Variants in CALB1 observed in about 807,000 individuals in gnomAD.
CALB1 encodes calbindin 1.
A neutral mutation model predicts 46.7 loss-of-function variants in CALB1; 16 were observed. The ratio of observed to expected loss-of-function variants is 0.34; its 90% CI spans 0.23 to 0.52. The LOEUF is 0.52. Among genes scored for constraint, CALB1 ranks in the 20% least tolerant of loss-of-function variants. The probability of loss-of-function intolerance (pLI) is 0.95; values close to 1 mark genes in which losing one functional copy is unlikely to be tolerated. For synonymous variants in CALB1, 90 were observed against 112.8 expected (o/e 0.80, Z 1.28); for missense variants, 224 against 300.3 (o/e 0.75, Z 1.88).
intron 3 of CALB1, among the ~76,000 whole-genome samples, chr8:90,072,487 T>C (rs1462699524): frequency 6.6e-6 from 1 of 152,230 alleles, no homozygotes; most frequent in East Asian, 1.9e-4. Flanking sequence ...ATTTTATAAA[T>C]GTTAGAAAGG....
At chr8:90,067,329 T>C (rs1020471008) in intron 5 of CALB1, among the ~76,000 whole-genome samples, 3 of 152,138 alleles carry the variant, frequency 2.0e-5, no homozygotes, top group Non-Finnish European at 2.9e-5. Flanking sequence ...AGGACTTCTA[T>C]TTAGAATCTC....
In CALB1 at chr8:90,068,904, T is replaced by G. The variant is rs1814448268; in HGVS notation, c.372+94A>C. ...AAATGTGACACTGTTCAACATTAGT[T>G]TCTTTTGTGGGAGGTTTTTTAAAAA... On this transcript the variant is annotated intron_variant, in intron 5 of 10. Transcript: ENST00000265431. 3 of 833,258 alleles carry G rather than the reference T, an allele frequency of 3.6e-6. No homozygotes were observed. The East Asian group carries it at 7.6e-5, about 21-fold the overall frequency. 51.6% of individuals were successfully genotyped at this position (833,258 alleles called of 1,614,324 possible). A position where few individuals can be genotyped will look rare whatever the true frequency, so the allele number is the denominator to read the frequency against.
chr8:90,078,112 A>G (rs1333028872), intron 3 of CALB1, among the ~76,000 whole-genome samples: 1 of 152,064 alleles, frequency 6.6e-6, no homozygotes, highest in African/African-American at 2.4e-5. Context: ...TAGCTGTATG[A>G]CCAGAGGCAA....
chr8:90,081,571 T>G (rs1814732683), intron 2 of CALB1: 2 of 520,898 alleles, frequency 3.8e-6, no homozygotes, highest in Non-Finnish European at 4.9e-6. Context: ...TCTCACACAG[T>G]AAAAGAGAAT....
chr8:90,062,241 G>A (rs1185564690), intron 9 of CALB1: 3 of 151,940 alleles, frequency 2.0e-5, no homozygotes, highest in African/African-American at 7.2e-5. Context: ...ACTCCTAGAA[G>A]CAAACAAACA....
rs867587976 is a variant in CALB1 at position 90,082,062 on chromosome 8, G to A, written c.120C>T (p.Ile40=). ...TCTTTCGCGCCTGCTGGAGCTCCTGGATCAAGTTCTGCAGCTCCTTTCCTT... is the reference window on the plus strand; with the variant it reads ...TCTTTCGCGCCTGCTGGAGCTCCTGAATCAAGTTCTGCAGCTCCTTTCCTT... ...YLEGKELQNL[I]QELQQARKKA... The change falls in exon 2 of 11, where the codon ATC becomes ATT. Residue 40 remains isoleucine (I), a synonymous_variant. Coordinates refer to ENST00000265431, the MANE Select transcript of CALB1 (RefSeq NM_004929.4). 2 of 1,613,904 alleles carry A rather than the reference G, an allele frequency of 1.2e-6. No individual in the cohort carries two copies. Among genetic ancestry groups the A allele is most frequent in the South Asian group, 2.2e-5 (2 of 91,058 alleles).
intron 10 of CALB1, 103 bp downstream of exon 10, chr8:90,060,526 T>C (rs1814276504): frequency 1.1e-6 from 1 of 919,286 alleles, no homozygotes; most frequent in Admixed American, 2.0e-5. Flanking sequence ...TTTCTGCTCC[T>C]CTATAAATTG....
At position 90,060,014 on chromosome 8, in the gene CALB1, T is replaced by G; in HGVS notation, c.*159A>C. The G allele has an allele frequency of 1.7e-6, 1 of 599,536 alleles. No individual in the cohort carries two copies. The highest frequency in any genetic ancestry group is 3.0e-6 in the Non-Finnish European group (1 of 336,044). 37.1% of individuals were successfully genotyped at this position (599,536 alleles called of 1,614,324 possible). A position where few individuals can be genotyped will look rare whatever the true frequency, so the allele number is the denominator to read the frequency against. ...TACAAAAACTGTATATTACAAACAGTATAGAAACAAGCTGAAAAGAATGAG... is the reference window on the plus strand; with the variant it reads ...TACAAAAACTGTATATTACAAACAGGATAGAAACAAGCTGAAAAGAATGAG... On this transcript the variant is annotated 3_prime_UTR_variant, in exon 11 of 11. Transcript: ENST00000265431.
At chr8:90,062,628 A>G (rs1164303241) in intron 9 of CALB1, 1 of 152,176 alleles carries the variant, frequency 6.6e-6, no homozygotes, top group Non-Finnish European at 1.5e-5. Flanking sequence ...TAACAATAAG[A>G]TATCTCCTCA....
chr8:90,058,941 A>T lies in CALB1; in HGVS notation c.*1232T>A, dbSNP rs1814246841. ...CTGTTTCACAATCAAAGAAATCTAA[A>T]ATCACCAACTGTTACATATCAACTA... On this transcript the variant is annotated 3_prime_UTR_variant, in exon 11 of 11. Coordinates refer to ENST00000265431, the MANE Select transcript of CALB1 (RefSeq NM_004929.4). 1 of 152,242 alleles carries T rather than the reference A, an allele frequency of 6.6e-6. No individual in the cohort carries two copies. The highest frequency in any genetic ancestry group is 2.4e-5 in the African/African-American group (1 of 41,466). The allele number at this position is 152,242 out of a possible 1,614,324, so 9.4% of individuals were successfully genotyped here.
chr8:90,081,950 C>CT lies in CALB1; in HGVS notation c.156+75dup, dbSNP rs1470460389. Reference sequence around the variant, plus strand: ...CCCAGAAAGCGCTTTACGCTACTGGCTTTTTGTGAAAACACAAGAATGTTT... The same window carrying CT: ...CCCAGAAAGCGCTTTACGCTACTGGCTTTTTTGTGAAAACACAAGAATGTTT... On this transcript the variant is annotated intron_variant, in intron 2 of 10. Coordinates refer to ENST00000265431, the MANE Select transcript of CALB1 (RefSeq NM_004929.4). 3 of 1,361,212 alleles carry CT rather than the reference C, an allele frequency of 2.2e-6. No homozygotes were observed. In the Admixed American group the frequency reaches 5.6e-5, roughly 25 times the overall value. The allele number at this position is 1,361,212 out of a possible 1,614,324, so 84.3% of individuals were successfully genotyped here.
chr8:90,072,324 T>C (rs1197123813), intron 3 of CALB1, among the ~76,000 whole-genome samples: 3 of 152,320 alleles, frequency 2.0e-5, no homozygotes, highest in South Asian at 2.1e-4. Flanking sequence ...AAAAATGCTC[T>C]TCATGTCTAC....
At chr8:90,062,993 T>A (rs1385977009) in intron 9 of CALB1, 107 bp downstream of exon 9, 2 of 699,092 alleles carry the variant, frequency 2.9e-6, no homozygotes, top group Admixed American at 2.7e-5. Flanking sequence ...GTCAAGATTG[T>A]CTCTATAGTT....
rs1329958250 is a variant in CALB1, at chr8:90,082,119, G to T, written c.80-17C>A. On this transcript the variant is annotated splice_polypyrimidine_tract_variant and intron_variant, in intron 1 of 10. Transcript: ENST00000265431. Reference sequence around the variant, plus strand: ...AACCACTTCCTGCAAAGACAAAGAGGCACCCAGGTGTCAGATATCTCATTC... The same window carrying T: ...AACCACTTCCTGCAAAGACAAAGAGTCACCCAGGTGTCAGATATCTCATTC... The T allele has an allele frequency of 6.2e-7, 1 of 1,604,818 alleles. No homozygotes were observed. The highest frequency in any genetic ancestry group is 1.7e-5 in the Admixed American group (1 of 59,638).
At position 90,082,754 on chromosome 8, in the gene CALB1, A is replaced by T. The variant is rs181953565; in HGVS notation, c.-57T>A. On this transcript the variant is annotated 5_prime_UTR_variant, in exon 1 of 11. Transcript: ENST00000265431. ...ATATGCGTGTGTCTGTGTCCGCGCGAGGGGGAGTGAGCAAAAGCTCAGCGT... is the reference window on the plus strand; with the variant it reads ...ATATGCGTGTGTCTGTGTCCGCGCGTGGGGGAGTGAGCAAAAGCTCAGCGT... 2.6e-6 allele frequency: 4 copies of T among 1,518,322 alleles called. No individual in the cohort carries two copies. In the African/African-American group the frequency reaches 4.1e-5, roughly 16 times the overall value. 94.1% of individuals were successfully genotyped at this position (1,518,322 alleles called of 1,614,324 possible). A position where few individuals can be genotyped will look rare whatever the true frequency, so the allele number is the denominator to read the frequency against.
chr8:90,070,339 C>T (rs777059935), intron 3 of CALB1, among the ~76,000 whole-genome samples: 3 of 152,154 alleles, frequency 2.0e-5, no homozygotes, highest in Non-Finnish European at 4.4e-5. Context: ...GACCCTCATC[C>T]GTGGATTTTA....
intron 3 of CALB1, among the ~76,000 whole-genome samples, chr8:90,071,648 A>G (rs1014600360): frequency 3.3e-5 from 5 of 152,228 alleles, no homozygotes; most frequent in Admixed American, 6.5e-5. Flanking sequence ...CACATCAAAG[A>G]GAAGAAAATA....
rs1401272553 is a variant in CALB1, at chr8:90,082,032, A to G, written c.150T>C (p.Ala50=). 1 of 1,613,586 alleles carries G rather than the reference A, an allele frequency of 6.2e-7. No homozygotes were observed. Among genetic ancestry groups the G allele is most frequent in the Non-Finnish European group, 8.5e-7 (1 of 1,179,746 alleles). ...IQELQQARKK[A]GLELSPEMKT... is the part of the protein sequence containing the mutation. ...TTCGCAAACTTGAACCTACCAATCC[A>G]GCCTTCTTTCGCGCCTGCTGGAGCT... is the stretch of plus-strand genomic sequence containing the variant. Residue 50 remains alanine (A), a synonymous_variant, in exon 2 of 11, where the codon GCT becomes GCC. Coordinates refer to ENST00000265431, the MANE Select transcript of CALB1 (RefSeq NM_004929.4).
intron 2 of CALB1, among the ~76,000 whole-genome samples, chr8:90,080,852 G>T (rs188986700): frequency 6.8e-4 from 103 of 152,096 alleles, no homozygotes; most frequent in Admixed American, 2.1e-3. Flanking sequence ...AGGGCAAAAA[G>T]TTCTATTATT....
Sources: allele counts gnomAD v4.1 joint callset (sites outside exome capture counted in the v4.1 genomes callset), GRCh38; gene constraint gnomAD v4.1.1; transcripts MANE v1.5; gene names NCBI Gene and HGNC (gene_info 2026-07-23, HGNC 2026-07-21).